SETD2: variants seen among roughly 807,000 people sequenced by gnomAD.
The protein encoded by SETD2 is SET domain containing 2, histone lysine methyltransferase.
A neutral mutation model predicts 242.1 loss-of-function variants in SETD2; 31 were observed. The observed-to-expected ratio is 0.13, with a 90% CI of 0.10 to 0.17. The LOEUF (loss-of-function observed/expected upper bound fraction) is 0.17. SETD2 is among the 10% of genes least tolerant of loss of function. The probability of loss-of-function intolerance (pLI) is 1.00; values close to 1 mark genes in which losing one functional copy is unlikely to be tolerated. For missense variants in SETD2, 2,481 were observed against 3,046.3 expected, an observed-to-expected ratio of 0.81 and a Z score of 4.37; for synonymous variants, 1,006 against 1,066.5, an observed-to-expected ratio of 0.94 and a Z score of 1.11.
At position 47,120,602 on chromosome 3, in the gene SETD2, T is replaced by C. The variant is rs200416051; in HGVS notation, c.4034A>G (p.Asp1345Gly). 13 of 1,613,742 alleles carry C rather than the reference T, an allele frequency of 8.1e-6. No homozygotes were observed. The highest frequency in any genetic ancestry group is 3.3e-5 in the Admixed American group (2 of 60,000). ...GGACTGGTCTGAAAAATGGGATCCA[T>C]CCTGTTGATCCCAATTCTCCTCTTC... ...REEEENWDQQDGSHFSDQSDK... is the reference protein window; with the variant it reads ...REEEENWDQQGGSHFSDQSDK... The change falls in exon 3 of 21, where the codon GAT becomes GGT. Residue 1345 changes from aspartate (D) to glycine (G), a missense_variant. Transcript: ENST00000409792.
intron 18 of SETD2, among the ~76,000 whole-genome samples, chr3:47,028,451 G>C (rs140610677): frequency 1.5e-4 from 23 of 152,336 alleles, no homozygotes. Context: ...GTGGCATTCA[G>C]TGGAGATCCC....
chr3:47,018,644 G>A (rs2107491612), intron 19 of SETD2, among the ~76,000 whole-genome samples: 1 of 152,238 alleles, frequency 6.6e-6, no homozygotes, highest in Non-Finnish European at 1.5e-5. Flanking sequence ...GGGGTTTCCT[G>A]GCCTCCAAAC....
chr3:47,063,756 G>A (rs2040439131), intron 13 of SETD2, among the ~76,000 whole-genome samples: 1 of 152,034 alleles, frequency 6.6e-6, no homozygotes, highest in South Asian at 2.1e-4. Context: ...AGGCCAAGGC[G>A]GGCAGATTAT....
rs1399471186 is a variant in SETD2, at chr3:47,093,419, G to A, written c.5142+4536C>T. 2.6e-5 allele frequency among the ~76,000 whole-genome samples: 4 copies of A among 151,674 alleles called. No individual in the cohort carries two copies. The East Asian group carries it at 7.7e-4, about 29-fold the overall frequency. On this transcript the variant is annotated intron_variant, in intron 9 of 20. Transcript: ENST00000409792. ...TTGCCTCAGCCTCCCAAGTAGCTGA[G>A]ATTACAGGCACCCACCATTACACTT...
At chr3:47,132,042 C>T (rs2106762608) in intron 1 of SETD2, among the ~76,000 whole-genome samples, 1 of 152,042 alleles carries the variant, frequency 6.6e-6, no homozygotes. Flanking sequence ...TCCCAAAGTG[C>T]TGGGATTACA....
chr3:47,050,721 C>CTTTTTTTTTT (rs1207924691), intron 15 of SETD2, among the ~76,000 whole-genome samples: 20 of 70,382 alleles, frequency 2.8e-4, no homozygotes, highest in South Asian at 5.0e-4. Context: ...CATTTCCTCT[C>CTTTTTTTTTT]TCTTTTTTTT....
intron 18 of SETD2, among the ~76,000 whole-genome samples, chr3:47,030,974 G>C (rs1322917460): frequency 6.6e-6 from 1 of 152,224 alleles, no homozygotes; most frequent in Non-Finnish European, 1.5e-5. Flanking sequence ...ATATTGCTAA[G>C]TGAATGAAGC....
At chr3:47,147,493 T>C (rs1175537187) in intron 1 of SETD2, among the ~76,000 whole-genome samples, 1 of 151,538 alleles carries the variant, frequency 6.6e-6, no homozygotes, top group South Asian at 2.1e-4. Context: ...CAGCTAATTG[T>C]TGTATTTTTA....
chr3:47,099,244 G>T (rs955056986), intron 8 of SETD2, among the ~76,000 whole-genome samples: 1 of 152,064 alleles, frequency 6.6e-6, no homozygotes, highest in African/African-American at 2.4e-5. Flanking sequence ...AGCATTAAAA[G>T]AATTAAAATA....
chr3:47,080,101 G>A (rs1037217110), intron 12 of SETD2, among the ~76,000 whole-genome samples: 2 of 152,110 alleles, frequency 1.3e-5, no homozygotes, highest in African/African-American at 4.8e-5. Context: ...ATTCCAAACA[G>A]TGACTCAAAA....
chr3:47,135,177 T>G (rs1414128120), intron 1 of SETD2, among the ~76,000 whole-genome samples: 1 of 152,226 alleles, frequency 6.6e-6, no homozygotes, highest in Non-Finnish European at 1.5e-5. Context: ...GAAAAGCCAG[T>G]AAGGTGCTTT....
chr3:47,057,456 T>C lies in SETD2; in HGVS notation c.6328A>G (p.Ile2110Val), dbSNP rs2040131545. 6.2e-7 allele frequency: 1 copy of C among 1,614,048 alleles called. No homozygotes were observed. The highest frequency in any genetic ancestry group is 8.5e-7 in the Non-Finnish European group (1 of 1,180,000). The change falls in exon 15 of 21, where the codon ATT becomes GTT. Residue 2110 changes from isoleucine (I) to valine (V), a missense_variant. Around this residue, in one of 17 missense-constraint regions of SETD2, gnomAD observed 80 missense variants for 102.6 expected, o/e 0.78. Transcript: ENST00000409792. The stretch of plus-strand genomic sequence containing the variant: ...GTAGAAAGTTTATTGCGGTCTTTAA[T>C]TCGTACTTTCTTTTTAGAAGTTGGT... ...DTPTSKKKVR[I>V]KDRNKLSTEE...
chr3:47,164,645 C>T (rs1404392308), upstream of SETD2: 1 of 152,644 alleles, frequency 6.6e-6, no homozygotes, highest in Non-Finnish European at 1.5e-5. This position sits in a 1 kb window ranked among gnomAD's most constrained non-coding sequence, Gnocchi z 5.4. Context: ...ACTCGCCCCT[C>T]TCTTTTTTAT....
chr3:47,067,730 T>C (rs534624077), intron 12 of SETD2, among the ~76,000 whole-genome samples: 2 of 152,118 alleles, frequency 1.3e-5, no homozygotes, highest in Non-Finnish European at 2.9e-5. Flanking sequence ...AATTCTAATG[T>C]GCACTTGCCA....
chr3:47,029,865 A>G (rs1425903275), intron 18 of SETD2, among the ~76,000 whole-genome samples: 2 of 152,220 alleles, frequency 1.3e-5, no homozygotes, highest in East Asian at 3.8e-4. Context: ...ATTTAAATGA[A>G]GTAAAAATGG....
At chr3:47,107,240 C>T (rs574104116) in intron 5 of SETD2, among the ~76,000 whole-genome samples, 1 of 152,056 alleles carries the variant, frequency 6.6e-6, no homozygotes, top group Admixed American at 6.6e-5. Flanking sequence ...AATAAACATA[C>T]CCTAATTCTA....
chr3:47,057,489 A>C lies in SETD2; in HGVS notation c.6295T>G (p.Tyr2099Asp). The stretch of plus-strand genomic sequence containing the variant: ...TTCTTTTTAGAAGTTGGTGTATCAT[A>C]TCTAGAAAGAAAATAAGGACCACAA... ...ERGTKRPDDR[Y>D]DTPTSKKKVR... The change falls in exon 15 of 21, where the codon TAT becomes GAT. Residue 2099 changes from tyrosine to aspartate, a missense_variant and splice_region_variant. Tyr to Asp is a radical substitution (Grantham distance 160, BLOSUM62 -3). This residue lies in a region of SETD2 where 80 missense variants were observed against 102.6 expected (regional missense o/e 0.78). Transcript: ENST00000409792. 1 of 1,611,216 alleles carries C rather than the reference A, an allele frequency of 6.2e-7. No homozygotes were observed. Among genetic ancestry groups the C allele is most frequent in the Non-Finnish European group, 8.5e-7 (1 of 1,177,932 alleles).
chr3:47,123,482 C>G lies in SETD2; in HGVS notation c.1154G>C (p.Arg385Thr), dbSNP rs1012081309. ...TCGGGAAGATACATACCGAGTATCT[C>G]TTTCAAGTTTTGAATAGCTAAAATA... is the stretch of plus-strand genomic sequence containing the variant. ...DKYFSYSKLE[R>T]DTRYVSSRCR... The change falls in exon 3 of 21, where the codon AGA becomes ACA. Residue 385 changes from arginine to threonine, a missense_variant. This residue lies in a region of SETD2 where 1,300 missense variants were observed against 1,259.2 expected (regional missense o/e 1.03). Transcript: ENST00000409792. The G allele has an allele frequency of 2.6e-6, 4 of 1,551,150 alleles. No individual in the cohort carries two copies. Among genetic ancestry groups the G allele is most frequent in the Non-Finnish European group, 3.5e-6 (4 of 1,146,862 alleles).
intron 18 of SETD2, among the ~76,000 whole-genome samples, chr3:47,034,678 C>G (rs1318930180): frequency 1.3e-5 from 2 of 152,182 alleles, no homozygotes; most frequent in African/African-American, 4.8e-5. Flanking sequence ...AAAAACAAAG[C>G]AAAGCAAATC....
Sources: gnomAD v4.1 joint callset for allele counts (sites outside exome capture counted in the v4.1 genomes callset) on GRCh38, gnomAD v4.1.1 for gene constraint, gnomAD v4.1.1 regional missense constraint, Gnocchi (gnomAD v3.1) non-coding constraint, MANE v1.5 for transcripts, NCBI Gene and HGNC (gene_info 2026-07-23, HGNC 2026-07-21) for gene names.